Variants in KIF26B observed in about 807,000 individuals in gnomAD.
KIF26B encodes kinesin-like protein KIF26B.
A neutral mutation model predicts 151.2 loss-of-function variants in KIF26B; 63 were observed. The ratio of observed to expected loss-of-function variants is 0.42; its 90% CI spans 0.34 to 0.51. The LOEUF (loss-of-function observed/expected upper bound fraction) is 0.51, where lower values mean the gene tolerates loss of function less well. KIF26B is among the 20% of genes least tolerant of loss of function. The pLI, the probability that KIF26B is intolerant of heterozygous loss-of-function variation, is 0.07. For missense variants in KIF26B, 2,813 were observed against 2,913.6 expected, an observed-to-expected ratio of 0.97 and a Z score of 0.79; for synonymous variants, 1,357 against 1,262.1, an observed-to-expected ratio of 1.08 and a Z score of -1.59.
At chr1:245,456,486 G>T (rs995305502) in intron 4 of KIF26B, among the ~76,000 whole-genome samples, 3 of 152,182 alleles carry the variant, frequency 2.0e-5, no homozygotes, top group Non-Finnish European at 4.4e-5. Context: ...TACTGAATGC[G>T]ATCTTTGCGT....
At chr1:245,682,003 G>A (rs1176267475) in intron 10 of KIF26B, among the ~76,000 whole-genome samples, 2 of 152,232 alleles carry the variant, frequency 1.3e-5, no homozygotes, top group Non-Finnish European at 2.9e-5. Context: ...AGCACTTTGG[G>A]AGGCCGAGGC....
chr1:245,217,164 C>T (rs540463552), intron 2 of KIF26B, among the ~76,000 whole-genome samples: 8 of 152,210 alleles, frequency 5.3e-5, no homozygotes, highest in Non-Finnish European at 1.2e-4. Flanking sequence ...ACTAATGCAA[C>T]TTGAAAGGAG....
At chr1:245,262,834 G>A (rs1670673180) in intron 2 of KIF26B, among the ~76,000 whole-genome samples, 1 of 152,200 alleles carries the variant, frequency 6.6e-6, no homozygotes, top group African/African-American at 2.4e-5. Context: ...AAAGACAGAT[G>A]TTCATTTCAC....
At chr1:245,248,303 G>A (rs1276957802) in intron 2 of KIF26B, among the ~76,000 whole-genome samples, 1 of 152,168 alleles carries the variant, frequency 6.6e-6, no homozygotes, top group Admixed American at 6.6e-5. Flanking sequence ...GAGAGCCAGC[G>A]TTCAGCACGG....
At chr1:245,220,861 C>T (rs950668131) in intron 2 of KIF26B, among the ~76,000 whole-genome samples, 4 of 152,044 alleles carry the variant, frequency 2.6e-5, no homozygotes, top group South Asian at 2.1e-4. Flanking sequence ...TTGTCCCCCA[C>T]GGGTAATGAA....
rs552638364 is a variant in KIF26B at position 245,194,121 on chromosome 1, C to T, written c.465+37438C>T. On this transcript the variant is annotated intron_variant, in intron 2 of 14. Coordinates refer to ENST00000407071, the MANE Select transcript of KIF26B (RefSeq NM_018012.4). ...AGGAAAATGTGATTTTGTAGGAAGG[C>T]GTATGGTAGTTTCTTCCATATAAGG... Among the ~76,000 whole-genome samples the T allele has an allele frequency of 7.3e-4, 111 of 152,242 alleles. 1 individual carries two copies. The highest frequency in any genetic ancestry group is 1.3e-3 in the Non-Finnish European group (89 of 68,018).
chr1:245,445,478 G>A lies in KIF26B; in HGVS notation c.1166+25733G>A, dbSNP rs141475086. Among the ~76,000 whole-genome samples the A allele has an allele frequency of 1.5e-3, 232 of 152,336 alleles. 1 individual carries two copies. Among genetic ancestry groups the A allele is most frequent in the Middle Eastern group, 0.01 (3 of 294 alleles). Reference sequence around the variant, plus strand: ...ACTACAGAGAGAAGTGCGTGCGTGCGCGTGTGTATGTGTGTGTATGCATGC... The same window carrying A: ...ACTACAGAGAGAAGTGCGTGCGTGCACGTGTGTATGTGTGTGTATGCATGC... On this transcript the variant is annotated intron_variant, in intron 4 of 14. Coordinates refer to ENST00000407071, the MANE Select transcript of KIF26B (RefSeq NM_018012.4).
rs61829649 is a variant in KIF26B, at chr1:245,397,088, T to C, written c.1000-22491T>C. On this transcript the variant is annotated intron_variant, in intron 3 of 14. Transcript: ENST00000407071. ...AATCCTCACACCACAGCCTCCCGAG[T>C]AGCTGGGACTATAGGCATGCGCCAC... Among the ~76,000 whole-genome samples, 964 of 151,908 alleles carry C rather than the reference T, an allele frequency of 6.3e-3. 3 individuals carry two copies. Among genetic ancestry groups the C allele is most frequent in the African/African-American group, 0.012 (476 of 41,390 alleles).
At position 245,686,583 on chromosome 1, in the gene KIF26B, G is replaced by T. The variant is rs1485717699; in HGVS notation, c.3600G>T (p.Gly1200=). Residue 1200 remains glycine, a synonymous_variant, in exon 12 of 15, where the codon GGG becomes GGT. Transcript: ENST00000407071. The surrounding 1 kb of genome is among the most constrained non-coding windows in gnomAD (Gnocchi z 5.6). ...FTLVEELTIS[G]VLDSGRPTSI... is the part of the protein sequence containing the mutation. Reference sequence around the variant, plus strand: ...TGGTGGAGGAGCTGACCATCAGCGGGGTCCTGGACAGCGGCCGCCCCACCA... The same window carrying T: ...TGGTGGAGGAGCTGACCATCAGCGGTGTCCTGGACAGCGGCCGCCCCACCA... 1 of 1,612,448 alleles carries T rather than the reference G, an allele frequency of 6.2e-7. No homozygotes were observed. Among genetic ancestry groups the T allele is most frequent in the Non-Finnish European group, 8.5e-7 (1 of 1,179,600 alleles).
At chr1:245,616,931 G>A (rs1034534488) in intron 9 of KIF26B, among the ~76,000 whole-genome samples, 11 of 152,178 alleles carry the variant, frequency 7.2e-5, no homozygotes, top group African/African-American at 2.7e-4. Context: ...CCGGGTCTCT[G>A]ATTTGTTCAT....
At chr1:245,556,357 T>TC (rs1232735646) in intron 5 of KIF26B, among the ~76,000 whole-genome samples, 45 of 112,600 alleles carry the variant, frequency 4.0e-4, no homozygotes, top group African/African-American at 1.1e-3. Flanking sequence ...CTCCTCCTCC[T>TC]CCTCCTTCTT....
At chr1:245,289,990 C>A (rs1243997973) in intron 2 of KIF26B, among the ~76,000 whole-genome samples, 2 of 152,190 alleles carry the variant, frequency 1.3e-5, no homozygotes, top group African/African-American at 4.8e-5. Flanking sequence ...TACCCTCCAT[C>A]CTTCCTCCAG....
At chr1:245,444,790 G>A (rs1572064932) in intron 4 of KIF26B, among the ~76,000 whole-genome samples, 1 of 152,292 alleles carries the variant, frequency 6.6e-6, no homozygotes, top group South Asian at 2.1e-4. Flanking sequence ...ATGACGTGAG[G>A]GGTTGCCCAA....
chr1:245,291,088 T>A (rs1425031743), intron 2 of KIF26B, among the ~76,000 whole-genome samples: 1 of 152,174 alleles, frequency 6.6e-6, no homozygotes, highest in Non-Finnish European at 1.5e-5. Context: ...TGGGCAGGGC[T>A]GTAAGAAAGG....
chr1:245,599,241 T>G (rs72762883), intron 5 of KIF26B, among the ~76,000 whole-genome samples: 15,794 of 152,030 alleles, frequency 0.1, 874 homozygotes, highest in Middle Eastern at 0.13. Context: ...ACAAAGGAGG[T>G]GAAGCAGAAA....
chr1:245,353,553 T>TG (rs1254704187), intron 2 of KIF26B: 1 of 152,166 alleles, frequency 6.6e-6, no homozygotes, highest in African/African-American at 2.4e-5. Context: ...ATTCATGAGG[T>TG]GGGGGTCTAA....
At chr1:245,562,031 C>T (rs963911009) in intron 5 of KIF26B, among the ~76,000 whole-genome samples, 3 of 152,088 alleles carry the variant, frequency 2.0e-5, no homozygotes, top group Admixed American at 1.3e-4. Flanking sequence ...CTGTTTCATA[C>T]CCAGATGACC....
chr1:245,384,370 T>G (rs989709054), intron 3 of KIF26B, among the ~76,000 whole-genome samples: 4 of 152,254 alleles, frequency 2.6e-5, no homozygotes, highest in Admixed American at 2.0e-4. Context: ...TGTGTCTTAA[T>G]GCATTCAAGC....
At chr1:245,336,103 AGG>A (rs1672226688) in intron 2 of KIF26B, among the ~76,000 whole-genome samples, 82 of 133,654 alleles carry the variant, frequency 6.1e-4, no homozygotes, top group Admixed American at 1.4e-3. Context: ...CAGGGAAAGG[AGG>A]GTCCCACGCA....
Sources: gnomAD v4.1 joint callset for allele counts (sites outside exome capture counted in the v4.1 genomes callset) on GRCh38, gnomAD v4.1.1 for gene constraint, Gnocchi (gnomAD v3.1) non-coding constraint, MANE v1.5 for transcripts, NCBI Gene and HGNC (gene_info 2026-07-23, HGNC 2026-07-21) for gene names.